KCNMA1: variants seen among roughly 807,000 people sequenced by gnomAD.
KCNMA1 encodes the protein Calcium-activated potassium channel subunit alpha-1.
A neutral mutation model predicts 140.0 loss-of-function variants in KCNMA1; 29 were observed. That is an observed-to-expected ratio of 0.21 (90% CI 0.15 to 0.28). KCNMA1 has a LOEUF of 0.28. Among genes scored for constraint, KCNMA1 ranks in the 10% least tolerant of loss-of-function variants. The probability of loss-of-function intolerance (pLI) is 1.00; values close to 1 mark genes in which losing one functional copy is unlikely to be tolerated. For missense variants in KCNMA1, 880 were observed against 1,602.2 expected (o/e 0.55, Z 7.70); for synonymous variants, 612 against 611.9 (o/e 1.00, Z 0.00).
chr10:77,414,486 T>A (rs2096691707), intron 1 of KCNMA1, among the ~76,000 whole-genome samples: 1 of 152,018 alleles, frequency 6.6e-6, no homozygotes, highest in South Asian at 2.1e-4. Context: ...TGTTTTTTCT[T>A]TTTTTCTTTT....
At chr10:77,483,263 T>C (rs887494019) in intron 1 of KCNMA1, among the ~76,000 whole-genome samples, 1 of 152,166 alleles carries the variant, frequency 6.6e-6, no homozygotes, top group African/African-American at 2.4e-5. Context: ...ACCCTTCTCC[T>C]CTCCTCTGTT....
chr10:76,887,084 A>G lies in KCNMA1; in HGVS notation c.*182T>C. The G allele has an allele frequency of 6.5e-7, 1 of 1,538,856 alleles. No individual in the cohort carries two copies. Among genetic ancestry groups the G allele is most frequent in the Non-Finnish European group, 8.7e-7 (1 of 1,147,412 alleles). On this transcript the variant is annotated 3_prime_UTR_variant, in exon 28 of 28. Coordinates refer to ENST00000286628, the MANE Select transcript of KCNMA1 (RefSeq NM_001161352.2). ...CGTCTGCTTATTTGCTGTTGTGCTC[A>G]AGGGTTTTATGGTGGTGAAATAAAA...
chr10:77,404,047 T>G (rs755019208), intron 1 of KCNMA1, 24 bp from the exon 2 acceptor site: 4 of 1,610,652 alleles, frequency 2.5e-6, no homozygotes, highest in South Asian at 2.2e-5. Context: ...GAGCAAGAGT[T>G]AAGACATAGG....
At chr10:77,496,596 CAAAAAAAAAAA>C (rs201304328) in intron 1 of KCNMA1, among the ~76,000 whole-genome samples, 3 of 62,972 alleles carry the variant, frequency 4.8e-5, no homozygotes, top group East Asian at 7.2e-4. Flanking sequence ...GACACTGTCT[CAAAAAAAAAAA>C]AAAAAAAAAA....
chr10:76,924,383 T>C (rs188246115), intron 23 of KCNMA1, among the ~76,000 whole-genome samples: 2 of 152,322 alleles, frequency 1.3e-5, no homozygotes, highest in East Asian at 1.9e-4. Flanking sequence ...AAGACAAATA[T>C]GTCAACTTTC....
At position 77,318,244 on chromosome 10, in the gene KCNMA1, AT is replaced by A. The variant is rs200045762; in HGVS notation, c.541-66989del. Reference sequence around the variant, plus strand: ...TGACTGAGCTTAGGATTTTACCTGCATTTTCACTTTTCATTTGCACAACAAG... The same window carrying A: ...TGACTGAGCTTAGGATTTTACCTGCATTTCACTTTTCATTTGCACAACAAG... On this transcript the variant is annotated intron_variant, in intron 2 of 27. Transcript: ENST00000286628. Among the ~76,000 whole-genome samples the A allele has an allele frequency of 1.9e-4, 29 of 152,310 alleles. No homozygotes were observed. In the East Asian group the frequency reaches 5.6e-3, roughly 29 times the overall value.
chr10:77,372,394 T>A (rs549196769), intron 2 of KCNMA1, among the ~76,000 whole-genome samples: 1 of 152,308 alleles, frequency 6.6e-6, no homozygotes, highest in South Asian at 2.1e-4. Flanking sequence ...AGTCCCTATA[T>A]CTTAACATCT....
At chr10:76,951,457 A>T (rs1043029765) in intron 21 of KCNMA1, among the ~76,000 whole-genome samples, 5 of 152,142 alleles carry the variant, frequency 3.3e-5, no homozygotes, top group South Asian at 4.1e-4. Context: ...CTTCTCCCCT[A>T]CATTTCAATA....
chr10:77,555,578 AG>A (rs1312269783), intron 1 of KCNMA1, among the ~76,000 whole-genome samples: 1 of 152,234 alleles, frequency 6.6e-6, no homozygotes, highest in African/African-American at 2.4e-5. Context: ...CAGCCGACTT[AG>A]AAAAACAAAA....
intron 5 of KCNMA1, among the ~76,000 whole-genome samples, chr10:77,158,092 A>G (rs1476809180): frequency 1.3e-5 from 2 of 152,228 alleles, no homozygotes; most frequent in African/African-American, 4.8e-5. Context: ...CAGGGAAAAT[A>G]ATCAGGAATA....
intron 5 of KCNMA1, among the ~76,000 whole-genome samples, chr10:77,182,021 G>A (rs531417552): frequency 6.6e-6 from 1 of 152,100 alleles, no homozygotes; most frequent in South Asian, 2.1e-4. Context: ...CTTGACACTA[G>A]GTATATAATA....
chr10:77,263,183 G>A (rs1383966056), intron 2 of KCNMA1, among the ~76,000 whole-genome samples: 1 of 152,056 alleles, frequency 6.6e-6, no homozygotes, highest in African/African-American at 2.4e-5. Context: ...CCTCTCTAGA[G>A]CATTGATCTT....
downstream of KCNMA1, chr10:76,876,591 GTTA>G (rs2032425518): frequency 6.6e-6 from 1 of 152,298 alleles, no homozygotes. Context: ...CTTTCCTTTT[GTTA>G]TTATTATTTT....
intron 2 of KCNMA1, among the ~76,000 whole-genome samples, chr10:77,292,622 C>G (rs1236210380): frequency 6.6e-6 from 1 of 152,226 alleles, no homozygotes; most frequent in Non-Finnish European, 1.5e-5. Flanking sequence ...ACCACCTCCT[C>G]TTTTTGTCCT....
At chr10:77,175,453 T>C (rs1169519984) in intron 5 of KCNMA1, among the ~76,000 whole-genome samples, 1 of 152,216 alleles carries the variant, frequency 6.6e-6, no homozygotes, top group Non-Finnish European at 1.5e-5. Context: ...CATTCATTCA[T>C]TCAACAAGTA....
chr10:77,025,240 GTGTATATA>G lies in KCNMA1; in HGVS notation c.1928+2575_1928+2582del, dbSNP rs1234471076. 0.032 allele frequency among the ~76,000 whole-genome samples: 2,077 copies of G among 65,360 alleles called. 218 individuals carry two copies. Among genetic ancestry groups the G allele is most frequent in the African/African-American group, 0.063 (1,167 of 18,486 alleles). The allele number at this position is 65,360 out of a possible 152,430, so 42.9% of individuals were successfully genotyped here. A position where few individuals can be genotyped will look rare whatever the true frequency, so the allele number is the denominator to read the frequency against. On this transcript the variant is annotated intron_variant, in intron 16 of 27. Transcript: ENST00000286628. Reference sequence around the variant, plus strand: ...GTACTCTAGTTGGAGAGGGGTGTGTGTGTATATATATATATATATATATATATATATAT... The same window carrying G: ...GTACTCTAGTTGGAGAGGGGTGTGTGTATATATATATATATATATATATAT...
At chr10:77,292,554 G>A (rs935007184) in intron 2 of KCNMA1, among the ~76,000 whole-genome samples, 1 of 152,204 alleles carries the variant, frequency 6.6e-6, no homozygotes, top group Non-Finnish European at 1.5e-5. Context: ...GAAGGGAGAA[G>A]TTGGAACCTG....
intron 23 of KCNMA1, among the ~76,000 whole-genome samples, chr10:76,919,008 T>A (rs1429277898): frequency 6.6e-6 from 1 of 151,688 alleles, no homozygotes; most frequent in Non-Finnish European, 1.5e-5. Context: ...GCATTTGCAG[T>A]GACCTGGATG....
intron 2 of KCNMA1, among the ~76,000 whole-genome samples, chr10:77,359,739 G>C (rs954277011): frequency 2.0e-5 from 3 of 152,190 alleles, no homozygotes; most frequent in African/African-American, 7.2e-5. Flanking sequence ...ACGGAGATGG[G>C]AGCTCTGGGG....
Sources: allele counts gnomAD v4.1 joint callset (sites outside exome capture counted in the v4.1 genomes callset), GRCh38; gene constraint gnomAD v4.1.1; transcripts MANE v1.5; gene names NCBI Gene and HGNC (gene_info 2026-07-23, HGNC 2026-07-21).